Variants in SMARCC1 observed in about 807,000 individuals in gnomAD.
The protein encoded by SMARCC1 is SWI/SNF complex subunit SMARCC1.
SMARCC1 carries 43 observed loss-of-function variants against 147.4 expected under a neutral mutation model. The ratio of observed to expected loss-of-function variants is 0.29; its 90% CI spans 0.23 to 0.38. The LOEUF (loss-of-function observed/expected upper bound fraction) is 0.38. SMARCC1 is among the 10% of genes least tolerant of loss of function. SMARCC1 has a pLI of 1.00. For missense variants in SMARCC1, 1,119 were observed against 1,381.1 expected (o/e 0.81, Z 3.01); for synonymous variants, 495 against 484.4 (o/e 1.02, Z -0.29).
At chr3:47,645,999 G>A (rs572249175) in intron 21 of SMARCC1, among the ~76,000 whole-genome samples, 26 of 152,072 alleles carry the variant, frequency 1.7e-4, no homozygotes, top group African/African-American at 5.8e-4. Context: ...GACCTGGCTC[G>A]GACTTTTAAG....
chr3:47,662,206 G>T (rs2033355828), intron 20 of SMARCC1, 128 bp downstream of exon 20: 1 of 820,922 alleles, frequency 1.2e-6, no homozygotes, highest in South Asian at 1.8e-5. Flanking sequence ...AAAGAATATG[G>T]TATCTTTCAC....
chr3:47,614,252 A>C (rs552129176), intron 25 of SMARCC1, among the ~76,000 whole-genome samples: 8 of 152,356 alleles, frequency 5.3e-5, no homozygotes, highest in African/African-American at 1.9e-4. Context: ...AAATCCAAAA[A>C]GGGAGCCTGC....
intron 24 of SMARCC1, among the ~76,000 whole-genome samples, chr3:47,628,375 C>T (rs1463065722): frequency 6.6e-6 from 1 of 152,188 alleles, no homozygotes; most frequent in African/African-American, 2.4e-5. Flanking sequence ...TTCTTTGCAT[C>T]ATCATTACTG....
At chr3:47,713,925 G>A (rs1165126888) in intron 8 of SMARCC1, among the ~76,000 whole-genome samples, 3 of 152,130 alleles carry the variant, frequency 2.0e-5, no homozygotes, top group Non-Finnish European at 2.9e-5. Context: ...AAGCACTGCA[G>A]ACATTTCATC....
chr3:47,588,060 G>C lies in SMARCC1; in HGVS notation c.*149C>G. The stretch of plus-strand genomic sequence containing the variant: ...ACAAAAAGTGTCAGAGAGAGGGGTG[G>C]TAAGAGGAGTGGGGAGGCACGGGAC... On this transcript the variant is annotated 3_prime_UTR_variant, in exon 28 of 28. Coordinates refer to ENST00000254480, the MANE Select transcript of SMARCC1 (RefSeq NM_003074.4). 1.6e-6 allele frequency: 1 copy of C among 624,792 alleles called. No individual in the cohort carries two copies. The highest frequency in any genetic ancestry group is 2.8e-6 in the Non-Finnish European group (1 of 354,028). The allele number at this position is 624,792 out of a possible 1,614,324, so 38.7% of individuals were successfully genotyped here.
chr3:47,777,655 G>A (rs1023567203), intron 1 of SMARCC1, among the ~76,000 whole-genome samples: 2 of 151,870 alleles, frequency 1.3e-5, no homozygotes, highest in African/African-American at 4.8e-5. Flanking sequence ...AGTCTCCTGA[G>A]TAGCTGGGAC....
intron 2 of SMARCC1, 92 bp downstream of exon 2, chr3:47,772,725 G>T: frequency 2.7e-6 from 3 of 1,100,804 alleles, no homozygotes; most frequent in Non-Finnish European, 2.5e-6. Context: ...AATTCTACAC[G>T]CTAGCAGCAG....
chr3:47,749,904 A>G (rs2034610238), intron 2 of SMARCC1, among the ~76,000 whole-genome samples: 2 of 151,520 alleles, frequency 1.3e-5, no homozygotes, highest in Non-Finnish European at 2.9e-5. Context: ...AACATGGTGA[A>G]ACCCCGTCTC....
At chr3:47,626,814 G>A (rs992161891) in intron 24 of SMARCC1, among the ~76,000 whole-genome samples, 1 of 152,070 alleles carries the variant, frequency 6.6e-6, no homozygotes, top group Non-Finnish European at 1.5e-5. Flanking sequence ...GTTCTCTCTG[G>A]GAGTCTCAAG....
In SMARCC1 at chr3:47,610,286, G is replaced by C. The variant is rs749133373; in HGVS notation, c.2823C>G (p.Asn941Lys). ...QRQQLLTERQ[N>K]FHMEQLKYAE... ...CATACTTCAGCTGTTCCATGTGGAAGTTTTGGCGTTCAGTAAGCAACTGCT... is the reference window on the plus strand; with the variant it reads ...CATACTTCAGCTGTTCCATGTGGAACTTTTGGCGTTCAGTAAGCAACTGCT... Residue 941 changes from asparagine to lysine, a missense_variant, in exon 26 of 28, where the codon AAC becomes AAG. This residue lies in a region of SMARCC1 where 42 missense variants were observed against 89.4 expected (regional missense o/e 0.47). Coordinates refer to ENST00000254480, the MANE Select transcript of SMARCC1 (RefSeq NM_003074.4). The C allele has an allele frequency of 6.2e-7, 1 of 1,614,226 alleles. No individual in the cohort carries two copies. Among genetic ancestry groups the C allele is most frequent in the East Asian group, 2.2e-5 (1 of 44,888 alleles).
chr3:47,766,701 T>C (rs772086243), intron 2 of SMARCC1, among the ~76,000 whole-genome samples: 1 of 152,206 alleles, frequency 6.6e-6, no homozygotes, highest in Non-Finnish European at 1.5e-5. Context: ...AGGTAAAATA[T>C]ATTTTTCTTT....
At chr3:47,743,270 A>C (rs1019981257) in intron 3 of SMARCC1, among the ~76,000 whole-genome samples, 15 of 152,242 alleles carry the variant, frequency 9.9e-5, no homozygotes, top group Admixed American at 2.6e-4. Flanking sequence ...AGATGAGAGA[A>C]GGTGCACACT....
At chr3:47,746,598 C>T (rs755747518) in intron 2 of SMARCC1, among the ~76,000 whole-genome samples, 3 of 152,064 alleles carry the variant, frequency 2.0e-5, no homozygotes, top group Admixed American at 1.3e-4. Flanking sequence ...TATAGCAAGA[C>T]CCCATACCCC....
chr3:47,652,968 G>A (rs76681561), intron 21 of SMARCC1, among the ~76,000 whole-genome samples: 1 of 29,890 alleles, frequency 3.3e-5, no homozygotes, highest in African/African-American at 1.3e-4. Flanking sequence ...TTTTTTTTTT[G>A]AGACGGAGTC....
chr3:47,693,053 C>T (rs1236430621), intron 12 of SMARCC1, among the ~76,000 whole-genome samples, 188 bp downstream of exon 12: 1 of 151,886 alleles, frequency 6.6e-6, no homozygotes, highest in East Asian at 1.9e-4. Flanking sequence ...GCCTATAATC[C>T]GAACTACTTG....
chr3:47,710,909 A>G, intron 8 of SMARCC1, 101 bp from the exon 9 acceptor site: 2 of 831,474 alleles, frequency 2.4e-6, no homozygotes. Flanking sequence ...TCAAAGCCTC[A>G]AATGCATAAA....
chr3:47,667,174 C>T (rs991704157), intron 19 of SMARCC1, among the ~76,000 whole-genome samples: 12 of 151,894 alleles, frequency 7.9e-5, no homozygotes, highest in African/African-American at 1.9e-4. Flanking sequence ...AAAAATTAGC[C>T]GGGCATGGTG....
chr3:47,778,108 G>A (rs1482400482), intron 1 of SMARCC1, among the ~76,000 whole-genome samples: 1 of 150,062 alleles, frequency 6.7e-6, no homozygotes, highest in Admixed American at 6.7e-5. Context: ...TCAAGAGGCT[G>A]GGGTAGAAGA....
rs539630387 is a variant in SMARCC1 at position 47,741,123 on chromosome 3, C to T, written c.402-3013G>A. On this transcript the variant is annotated intron_variant, in intron 3 of 27. Transcript: ENST00000254480. ...TTAGAAGACCATGTTAAATGATAAACTGGAGGCATATAAGCAAAATCTAAT... is the reference window on the plus strand; with the variant it reads ...TTAGAAGACCATGTTAAATGATAAATTGGAGGCATATAAGCAAAATCTAAT... Among the ~76,000 whole-genome samples, 97 of 152,040 alleles carry T rather than the reference C, an allele frequency of 6.4e-4. 2 individuals are homozygous for T. In the South Asian group the frequency reaches 0.02, roughly 32 times the overall value.
Sources: gnomAD v4.1 joint callset for allele counts (sites outside exome capture counted in the v4.1 genomes callset) on GRCh38, gnomAD v4.1.1 for gene constraint, gnomAD v4.1.1 regional missense constraint, MANE v1.5 for transcripts, NCBI Gene and HGNC (gene_info 2026-07-23, HGNC 2026-07-21) for gene names.